The following LRRTM3 variants were observed in gnomAD, a reference collection of about 807,000 sequenced individuals.
The protein encoded by LRRTM3 is leucine rich repeat transmembrane neuronal 3.
LRRTM3 carries 24 observed loss-of-function variants against 44.7 expected under a neutral mutation model. The ratio of observed to expected loss-of-function variants is 0.54; its 90% CI spans 0.39 to 0.76. The LOEUF (loss-of-function observed/expected upper bound fraction) is 0.76, where lower values mean the gene tolerates loss of function less well. LRRTM3 is among the 30% of genes least tolerant of loss of function. LRRTM3 has a pLI of 0.00. For synonymous variants in LRRTM3, 277 were observed against 278.7 expected (o/e 0.99, Z 0.06); for missense variants, 587 against 702.2 (o/e 0.84, Z 1.85).
chr10:66,994,159 G>A lies in LRRTM3; in HGVS notation c.1536+65707G>A, dbSNP rs10997472. On this transcript the variant is annotated intron_variant, in intron 2 of 2. Coordinates refer to ENST00000361320, the MANE Select transcript of LRRTM3 (RefSeq NM_178011.5). ...TGCCATCACTATATTCTTATAGAAG[G>A]TCCCTCGTATAAAAACCAGTAAGTA... Among the ~76,000 whole-genome samples, 954 of 152,168 alleles carry A rather than the reference G, an allele frequency of 6.3e-3. 9 individuals carry two copies. The highest frequency in any genetic ancestry group is 0.022 in the African/African-American group (908 of 41,510).
At chr10:67,000,966 G>T (rs1033829255) in intron 2 of LRRTM3, among the ~76,000 whole-genome samples, 1 of 152,076 alleles carries the variant, frequency 6.6e-6, no homozygotes, top group Non-Finnish European at 1.5e-5. Flanking sequence ...AAATGCGAAA[G>T]TAGAGAGAGA....
chr10:67,026,427 T>G (rs1853393072), intron 2 of LRRTM3, among the ~76,000 whole-genome samples: 1 of 150,732 alleles, frequency 6.6e-6, no homozygotes, highest in African/African-American at 2.5e-5. Flanking sequence ...TGAATTGTAT[T>G]AAATACTATT....
intron 2 of LRRTM3, among the ~76,000 whole-genome samples, chr10:66,967,430 A>C (rs1303749225): frequency 6.6e-6 from 1 of 151,914 alleles, no homozygotes; most frequent in African/African-American, 2.4e-5. Context: ...ATATATACAC[A>C]TAGCATGCAT....
At chr10:66,974,287 C>T (rs1056205832) in intron 2 of LRRTM3, among the ~76,000 whole-genome samples, 1 of 152,130 alleles carries the variant, frequency 6.6e-6, no homozygotes, top group African/African-American at 2.4e-5. Flanking sequence ...ATAAGTTATT[C>T]CTTAAGAAGA....
chr10:66,957,297 A>C (rs1848841281), intron 2 of LRRTM3, among the ~76,000 whole-genome samples: 1 of 151,386 alleles, frequency 6.6e-6, no homozygotes, highest in Non-Finnish European at 1.5e-5. Context: ...TCATTTATTA[A>C]ATTGAAAGAA....
intron 2 of LRRTM3, among the ~76,000 whole-genome samples, chr10:66,988,252 C>G (rs1850845575): frequency 6.6e-6 from 1 of 152,096 alleles, no homozygotes; most frequent in Admixed American, 6.6e-5. Flanking sequence ...CTCACAGGAT[C>G]ATTGAGGTAG....
At chr10:67,028,106 A>C (rs542277893) in intron 2 of LRRTM3, among the ~76,000 whole-genome samples, 7 of 152,268 alleles carry the variant, frequency 4.6e-5, no homozygotes, top group Admixed American at 3.9e-4. Flanking sequence ...TGATCCTGAG[A>C]CATTTTGCTT....
chr10:66,981,275 G>A (rs1373639424), intron 2 of LRRTM3, among the ~76,000 whole-genome samples: 1 of 152,176 alleles, frequency 6.6e-6, no homozygotes, highest in South Asian at 2.1e-4. Flanking sequence ...AAAAATGAAT[G>A]ATTACATTTA....
chr10:66,951,288 G>C (rs1282603809), intron 2 of LRRTM3, among the ~76,000 whole-genome samples: 1 of 151,850 alleles, frequency 6.6e-6, no homozygotes, highest in African/African-American at 2.4e-5. Context: ...GCCAATTTTT[G>C]TATTTTTAGT....
chr10:67,075,466 C>G (rs1021767858), intron 2 of LRRTM3, among the ~76,000 whole-genome samples: 1 of 152,122 alleles, frequency 6.6e-6, no homozygotes, highest in African/African-American at 2.4e-5. Context: ...ACACCTGCCA[C>G]TATTAAGATG....
chr10:66,970,055 C>T (rs1479531417), intron 2 of LRRTM3, among the ~76,000 whole-genome samples: 2 of 152,116 alleles, frequency 1.3e-5, no homozygotes, highest in African/African-American at 4.8e-5. Flanking sequence ...AGGTTTAATG[C>T]GTGGCACCTA....
intron 2 of LRRTM3, among the ~76,000 whole-genome samples, chr10:66,992,334 A>G (rs1851086427): frequency 6.6e-6 from 1 of 151,926 alleles, no homozygotes; most frequent in South Asian, 2.1e-4. Context: ...TCAACTGTTT[A>G]TATCCTTTGC....
In LRRTM3 at chr10:66,929,645, T is replaced by A. The variant is rs560175094; in HGVS notation, c.1536+1193T>A. Among the ~76,000 whole-genome samples the A allele has an allele frequency of 2.5e-4, 38 of 152,326 alleles. 3 individuals carry two copies. In the South Asian group the frequency reaches 7.5e-3, roughly 30 times the overall value. Reference sequence around the variant, plus strand: ...GAAAAAAGACCAACACTATGACAGTTCTCTGTTGCTTTTCTATTGCTGACA... The same window carrying A: ...GAAAAAAGACCAACACTATGACAGTACTCTGTTGCTTTTCTATTGCTGACA... On this transcript the variant is annotated intron_variant, in intron 2 of 2. Transcript: ENST00000361320.
At chr10:67,064,130 T>A (rs1340822586) in intron 2 of LRRTM3, among the ~76,000 whole-genome samples, 1 of 152,200 alleles carries the variant, frequency 6.6e-6, no homozygotes, top group African/African-American at 2.4e-5. Context: ...TGTTAGCCTA[T>A]CAACTTGTTT....
intron 2 of LRRTM3, among the ~76,000 whole-genome samples, chr10:66,970,162 G>C (rs888392779): frequency 2.6e-5 from 4 of 152,106 alleles, no homozygotes; most frequent in African/African-American, 7.2e-5. Context: ...CAGACACTTT[G>C]ATTACATGAA....
At chr10:67,077,504 G>T (rs1158531743) in intron 2 of LRRTM3, among the ~76,000 whole-genome samples, 1 of 151,962 alleles carries the variant, frequency 6.6e-6, no homozygotes, top group African/African-American at 2.4e-5. Flanking sequence ...TCCCCTGCCT[G>T]CCTCTCATCC....
At chr10:66,976,410 C>T (rs1350880264) in intron 2 of LRRTM3, among the ~76,000 whole-genome samples, 1 of 152,136 alleles carries the variant, frequency 6.6e-6, no homozygotes, top group Non-Finnish European at 1.5e-5. Context: ...CTCTGGAACC[C>T]ACATGACCTT....
chr10:67,069,647 T>C lies in LRRTM3; in HGVS notation c.1537-27940T>C, dbSNP rs185335676. Among the ~76,000 whole-genome samples the C allele has an allele frequency of 2.4e-3, 365 of 149,872 alleles. 1 individual carries two copies. Among genetic ancestry groups the C allele is most frequent in the African/African-American group, 8.4e-3 (338 of 40,200 alleles). On this transcript the variant is annotated intron_variant, in intron 2 of 2. Transcript: ENST00000361320. ...TACATAGATTAGTTCTGTCTGTTTTTGAAATGTCTATAAGTAGAATCACTC... is the reference window on the plus strand; with the variant it reads ...TACATAGATTAGTTCTGTCTGTTTTCGAAATGTCTATAAGTAGAATCACTC...
intron 2 of LRRTM3, among the ~76,000 whole-genome samples, chr10:67,017,323 A>C (rs1290177173): frequency 2.0e-5 from 3 of 152,198 alleles, no homozygotes; most frequent in Admixed American, 2.0e-4. Context: ...TAGGTTAGTT[A>C]CCAAGAACAC....
Sources: gnomAD v4.1 joint callset for allele counts (sites outside exome capture counted in the v4.1 genomes callset) on GRCh38, gnomAD v4.1.1 for gene constraint, MANE v1.5 for transcripts, NCBI Gene and HGNC (gene_info 2026-07-23, HGNC 2026-07-21) for gene names.